The following LCLAT1 variants were observed in gnomAD, a reference collection of about 807,000 sequenced individuals.
The protein encoded by LCLAT1 is lysocardiolipin acyltransferase 1.
LCLAT1 carries 11 observed loss-of-function variants against 30.7 expected under a neutral mutation model. That is an observed-to-expected ratio of 0.36 (90% CI 0.23 to 0.59). LCLAT1 has a LOEUF of 0.59. Ranked by LOEUF, LCLAT1 falls within the 20% of genes least tolerant of loss-of-function variation. The pLI is 0.77. For synonymous variants in LCLAT1, 155 were observed against 151.3 expected (o/e 1.02, Z -0.18); for missense variants, 402 against 458.6 (o/e 0.88, Z 1.13).
intron 1 of LCLAT1, among the ~76,000 whole-genome samples, chr2:30,505,450 T>C (rs1456290059): frequency 6.6e-6 from 1 of 152,156 alleles, no homozygotes; most frequent in Non-Finnish European, 1.5e-5. Flanking sequence ...TGAGCATTTG[T>C]ATTTTCTTCC....
intron 5 of LCLAT1, among the ~76,000 whole-genome samples, chr2:30,583,062 T>G (rs1008130686): frequency 1.1e-4 from 17 of 152,242 alleles, no homozygotes; most frequent in Admixed American, 5.2e-4. Context: ...TCTAATTAGC[T>G]CTTTATTTAA....
chr2:30,502,998 C>G (rs1040862557), intron 1 of LCLAT1, among the ~76,000 whole-genome samples: 6 of 152,186 alleles, frequency 3.9e-5, no homozygotes, highest in Non-Finnish European at 7.4e-5. Flanking sequence ...CGTATGGTCT[C>G]TTGGCAGTTG....
At chr2:30,500,040 A>G (rs1482250098) in intron 1 of LCLAT1, among the ~76,000 whole-genome samples, 1 of 152,196 alleles carries the variant, frequency 6.6e-6, no homozygotes, top group Non-Finnish European at 1.5e-5. Flanking sequence ...ATATACTTTT[A>G]TATAAAGCCA....
Position 30,531,762 on chromosome 2 carries a change from C to G in LCLAT1, c.166-1354C>G, listed in dbSNP as rs1685995792. On this transcript the variant is annotated intron_variant, in intron 2 of 5. Coordinates refer to ENST00000379509, the MANE Select transcript of LCLAT1 (RefSeq NM_001002257.3). ...TTCTTTAGCTAATATTATTTTGAAC[C>G]TATGTTTTATTGATCCTGTTATGTT... is the stretch of plus-strand genomic sequence containing the variant. 2.0e-5 allele frequency among the ~76,000 whole-genome samples: 3 copies of G among 152,110 alleles called. No individual in the cohort carries two copies. In the South Asian group the frequency reaches 6.2e-4, roughly 32 times the overall value.
At chr2:30,594,576 T>C (rs1163572774) in intron 5 of LCLAT1, among the ~76,000 whole-genome samples, 1 of 152,240 alleles carries the variant, frequency 6.6e-6, no homozygotes, top group Non-Finnish European at 1.5e-5. Context: ...TATGTGCATG[T>C]GTATGTGTGT....
intron 1 of LCLAT1, among the ~76,000 whole-genome samples, chr2:30,472,817 C>G (rs1427378703): frequency 6.6e-6 from 1 of 152,076 alleles, no homozygotes; most frequent in Admixed American, 6.6e-5. Flanking sequence ...CAAGTCTTGC[C>G]AGTCCCTCCT....
chr2:30,512,904 C>A (rs1158253172), intron 1 of LCLAT1, among the ~76,000 whole-genome samples: 1 of 152,082 alleles, frequency 6.6e-6, no homozygotes, highest in Non-Finnish European at 1.5e-5. Flanking sequence ...GTATCCATTT[C>A]TCTGTGTACT....
chr2:30,550,621 C>A (rs558858281), intron 3 of LCLAT1, among the ~76,000 whole-genome samples: 1 of 152,292 alleles, frequency 6.6e-6, no homozygotes, highest in African/African-American at 2.4e-5. Flanking sequence ...ATGATATCAA[C>A]ATGGCTTATC....
chr2:30,591,983 T>G (rs1250140792), intron 5 of LCLAT1, among the ~76,000 whole-genome samples: 1 of 152,220 alleles, frequency 6.6e-6, no homozygotes, highest in East Asian at 1.9e-4. Flanking sequence ...ATTTGTTTAT[T>G]TACAAGCTTA....
At chr2:30,496,458 GAT>G (rs762249807) in intron 1 of LCLAT1, among the ~76,000 whole-genome samples, 6 of 152,146 alleles carry the variant, frequency 3.9e-5, no homozygotes, top group Non-Finnish European at 7.4e-5. Flanking sequence ...TGGACATGTG[GAT>G]ATGTGTGTGA....
At chr2:30,588,988 G>C (rs546388194) in intron 5 of LCLAT1, among the ~76,000 whole-genome samples, 17 of 152,142 alleles carry the variant, frequency 1.1e-4, no homozygotes, top group South Asian at 1.0e-3. Flanking sequence ...AACTTCAAAG[G>C]TTATTGAAAA....
intron 5 of LCLAT1, among the ~76,000 whole-genome samples, chr2:30,639,609 A>G (rs1669204726): frequency 6.6e-6 from 1 of 152,188 alleles, no homozygotes; most frequent in Non-Finnish European, 1.5e-5. Flanking sequence ...GTTTTTTAAA[A>G]TAAAAAAGTA....
At chr2:30,470,696 G>C (rs1245349752) in intron 1 of LCLAT1, among the ~76,000 whole-genome samples, 1 of 152,134 alleles carries the variant, frequency 6.6e-6, no homozygotes, top group African/African-American at 2.4e-5. Flanking sequence ...AAATTAGGAA[G>C]TGTGAGTCCT....
intron 5 of LCLAT1, among the ~76,000 whole-genome samples, chr2:30,599,154 G>A (rs1667065478): frequency 6.6e-6 from 1 of 151,886 alleles, no homozygotes; most frequent in Non-Finnish European, 1.5e-5. Flanking sequence ...GCTAATTTTT[G>A]TATTTTTAGT....
chr2:30,482,701 T>C (rs1683378668), intron 1 of LCLAT1, among the ~76,000 whole-genome samples: 1 of 151,886 alleles, frequency 6.6e-6, no homozygotes, highest in African/African-American at 2.4e-5. Flanking sequence ...TTTAGGAGGC[T>C]GAGGCAGGAG....
In LCLAT1 at chr2:30,642,482, A is replaced by G. The variant is rs929874466; in HGVS notation, c.*1863A>G. 5.4e-5 allele frequency: 8 copies of G among 148,570 alleles called. No individual in the cohort carries two copies. The highest frequency in any genetic ancestry group is 2.0e-4 in the African/African-American group (8 of 40,282). The allele number at this position is 148,570 out of a possible 1,614,324, so 9.2% of individuals were successfully genotyped here. Reference sequence around the variant, plus strand: ...AGAGGTTTCTAATTTATGTTTCTCTAAGATTTCCTTTGGTTGTATTTAGAA... The same window carrying G: ...AGAGGTTTCTAATTTATGTTTCTCTGAGATTTCCTTTGGTTGTATTTAGAA... On this transcript the variant is annotated 3_prime_UTR_variant, in exon 6 of 6. Coordinates refer to ENST00000379509, the MANE Select transcript of LCLAT1 (RefSeq NM_001002257.3).
chr2:30,536,867 A>G (rs973522784), intron 3 of LCLAT1, among the ~76,000 whole-genome samples: 2 of 152,256 alleles, frequency 1.3e-5, no homozygotes, highest in Non-Finnish European at 2.9e-5. Flanking sequence ...ACCTATTAAT[A>G]ACCTTGAATG....
intron 1 of LCLAT1, among the ~76,000 whole-genome samples, chr2:30,497,953 G>A (rs188467779): frequency 3.2e-4 from 49 of 152,270 alleles, no homozygotes; most frequent in Non-Finnish European, 4.7e-4. Flanking sequence ...ATTGGAAACC[G>A]TTCAGGATTT....
At chr2:30,619,402 A>G (rs1266726736) in intron 5 of LCLAT1, among the ~76,000 whole-genome samples, 1 of 152,198 alleles carries the variant, frequency 6.6e-6, no homozygotes, top group Non-Finnish European at 1.5e-5. Context: ...TCACCCTGGC[A>G]TTAGTCAGTA....
Sources: allele counts gnomAD v4.1 joint callset (sites outside exome capture counted in the v4.1 genomes callset), GRCh38; gene constraint gnomAD v4.1.1; transcripts MANE v1.5; gene names NCBI Gene and HGNC (gene_info 2026-07-23, HGNC 2026-07-21).